Variants in MUC4 observed in about 807,000 individuals in gnomAD.
The protein encoded by MUC4 is mucin-4.
In MUC4, 202 loss-of-function variants were observed where a neutral mutation model predicts 257.9. That is an observed-to-expected ratio of 0.78 (90% CI 0.70 to 0.88). The LOEUF is 0.88. MUC4 is among the 40% of genes least tolerant of loss of function. The pLI, the probability that MUC4 is intolerant of heterozygous loss-of-function variation, is 0.00. For missense variants in MUC4, 5,976 were observed against 6,513.7 expected (o/e 0.92, Z 2.84); for synonymous variants, 2,351 against 2,757.1 (o/e 0.85, Z 4.62).
intron 24 of MUC4, among the ~76,000 whole-genome samples, chr3:195,748,458 G>A (rs147310727): frequency 0.021 from 3,216 of 152,050 alleles, 19 homozygotes; most frequent in Middle Eastern, 0.034. Flanking sequence ...CAACTACTCG[G>A]GAGGCTGAGG....
In MUC4 at chr3:195,753,111, C is replaced by CG; in HGVS notation, c.15447_15448insC (p.Ala5150ArgfsTer4). 6.2e-7 allele frequency: 1 copy of CG among 1,612,172 alleles called. No homozygotes were observed. The highest frequency in any genetic ancestry group is 8.5e-7 in the Non-Finnish European group (1 of 1,179,140). On this transcript the variant is annotated frameshift_variant, in exon 20 of 25. Coordinates refer to ENST00000463781, the MANE Select transcript of MUC4 (RefSeq NM_018406.7). LOFTEE classifies it high-confidence loss of function. ...AGGAAGCAGCGGCTGTCAGTGAAGG[C>CG]TGGGGGGCAGGTGCACATGGGCTGA...
rs747952608 is a variant in MUC4 at position 195,789,856 on chromosome 3, C to T, written c.1724G>A (p.Gly575Glu). The T allele has an allele frequency of 6.2e-7, 1 of 1,613,750 alleles. No individual in the cohort carries two copies. ...TQWTQETGTT[G>E]EALLSSPSYS... ...GCTTGGGCTGCTGAGAAGAGCCTCT[C>T]CAGTGGTCCCCGTTTCTTGTGTCCA... is the stretch of plus-strand genomic sequence containing the variant. The change falls in exon 2 of 25, where the codon GGA becomes GAA. Residue 575 changes from glycine (G) to glutamate (E), a missense_variant. Gly to Glu is a moderately conservative substitution (Grantham distance 98). This residue lies in a region of MUC4 where 1,583 missense variants were observed against 1,257.4 expected (regional missense o/e 1.26). Transcript: ENST00000463781.
Position 195,786,808 on chromosome 3 carries a change from G to A in MUC4, c.4772C>T (p.Ser1591Phe), listed in dbSNP as rs756679376. 1 of 1,518,964 alleles carries A rather than the reference G, an allele frequency of 6.6e-7. No individual in the cohort carries two copies. Among genetic ancestry groups the A allele is most frequent in the South Asian group, 1.2e-5 (1 of 82,322 alleles). 94.1% of individuals were successfully genotyped at this position (1,518,964 alleles called of 1,614,324 possible). ...GGTGGTGTCACCTTTGGATGCTGAG[G>A]AAGTGTCGGTGACAGGAAGAGGGGT... Reference protein sequence around the residue: ...HTTPLPVTDTSSASKGDTTPL... With the variant: ...HTTPLPVTDTFSASKGDTTPL... Residue 1591 changes from serine to phenylalanine, a missense_variant, in exon 2 of 25, where the codon TCC becomes TTC. By Grantham distance (155) the Ser-to-Phe change is radical. Around this residue, in one of 44 missense-constraint regions of MUC4, gnomAD observed 63 missense variants for 68.8 expected, o/e 0.92. Coordinates refer to ENST00000463781, the MANE Select transcript of MUC4 (RefSeq NM_018406.7).
At chr3:195,760,634 G>A (rs112666128) in intron 16 of MUC4, among the ~76,000 whole-genome samples, 2 of 105,998 alleles carry the variant, frequency 1.9e-5, no homozygotes, top group Admixed American at 1.7e-4. Context: ...CCAGCGCTAG[G>A]ATGGACGGAG....
At position 195,767,510 on chromosome 3, in the gene MUC4, T is replaced by TCACCATCACCAC. The variant is rs1172138581; in HGVS notation, c.13530-771_13530-760dup. 4.2e-4 allele frequency among the ~76,000 whole-genome samples: 15 copies of TCACCATCACCAC among 35,534 alleles called. No individual in the cohort carries two copies. The East Asian group carries it at 0.031, about 73-fold the overall frequency. 23.3% of individuals were successfully genotyped at this position (35,534 alleles called of 152,430 possible). A position where few individuals can be genotyped will look rare whatever the true frequency, so the allele number is the denominator to read the frequency against. ...ACCACCATCACCATCACCACCACCA[T>TCACCATCACCAC]CACCATCACCACCACCATCGCCACC... On this transcript the variant is annotated intron_variant, in intron 7 of 24. Coordinates refer to ENST00000463781, the MANE Select transcript of MUC4 (RefSeq NM_018406.7).
In MUC4 at chr3:195,775,740, C is replaced by A. The variant is rs1283355482; in HGVS notation, c.12944-1435G>T. On this transcript the variant is annotated intron_variant, in intron 3 of 24. Transcript: ENST00000463781. Reference sequence around the variant, plus strand: ...CCTTCCACATCCATACCTTCCACACCCTTACCTTCCACACCCATACCTTCC... The same window carrying A: ...CCTTCCACATCCATACCTTCCACACACTTACCTTCCACACCCATACCTTCC... Among the ~76,000 whole-genome samples, 2 of 22,666 alleles carry A rather than the reference C, an allele frequency of 8.8e-5. 1 individual carries two copies. Among genetic ancestry groups the A allele is most frequent in the Non-Finnish European group, 1.6e-4 (2 of 12,768 alleles). 14.9% of individuals were successfully genotyped at this position (22,666 alleles called of 152,430 possible).
intron 23 of MUC4, among the ~76,000 whole-genome samples, chr3:195,749,389 C>T (rs1411038171): frequency 2.0e-5 from 3 of 152,218 alleles, no homozygotes; most frequent in African/African-American, 7.2e-5. Context: ...AGAGCACATG[C>T]TTTGAAGGTG....
intron 18 of MUC4, among the ~76,000 whole-genome samples, chr3:195,756,807 C>T (rs971861650): frequency 1.3e-5 from 2 of 152,000 alleles, no homozygotes; most frequent in African/African-American, 4.8e-5. Context: ...GGACTACAGG[C>T]GCCTGCCACC....
rs763108509 is a variant in MUC4, at chr3:195,783,352, G to A, written c.8228C>T (p.Ser2743Phe). 1.9e-6 allele frequency: 2 copies of A among 1,036,294 alleles called. No homozygotes were observed. The highest frequency in any genetic ancestry group is 2.7e-6 in the Non-Finnish European group (2 of 747,606). 64.2% of individuals were successfully genotyped at this position (1,036,294 alleles called of 1,614,324 possible). A position where few individuals can be genotyped will look rare whatever the true frequency, so the allele number is the denominator to read the frequency against. Residue 2743 changes from serine to phenylalanine, a missense_variant, in exon 2 of 25, where the codon TCC becomes TTC. By Grantham distance (155) the Ser-to-Phe change is radical. Around this residue, in one of 44 missense-constraint regions of MUC4, gnomAD observed 75 missense variants for 58.7 expected, o/e 1.28. Transcript: ENST00000463781. ...DTTPLLVTET[S>F]SVSTGDTTPL... is the part of the protein sequence containing the mutation. ...GGTGGTGTCACCTGTGGATACTGAG[G>A]AAGTCTCGGTGACAAGAAGAGGGGT...
chr3:195,778,646 C>T, intron 2 of MUC4, 144 bp downstream of exon 2: 5 of 1,250,526 alleles, frequency 4.0e-6, no homozygotes, highest in African/African-American at 1.5e-5. Context: ...CTGTCACCCA[C>T]CACACCCATC....
chr3:195,800,652 G>T (rs1181232251), intron 1 of MUC4, among the ~76,000 whole-genome samples: 1 of 152,146 alleles, frequency 6.6e-6, no homozygotes, highest in Admixed American at 6.5e-5. Flanking sequence ...AGCTTGAGTA[G>T]GTTATTTGTA....
intron 17 of MUC4, among the ~76,000 whole-genome samples, chr3:195,758,277 T>C (rs1054646084): frequency 1.3e-5 from 2 of 152,014 alleles, no homozygotes; most frequent in African/African-American, 4.8e-5. Context: ...TCTAACACCT[T>C]TACGGAGAGG....
intron 1 of MUC4, among the ~76,000 whole-genome samples, chr3:195,804,676 C>A (rs905908450): frequency 6.6e-6 from 1 of 152,246 alleles, no homozygotes; most frequent in Non-Finnish European, 1.5e-5. Flanking sequence ...CAGTGTAAGC[C>A]CAAGGGAAGT....
intron 15 of MUC4, 120 bp downstream of exon 15, chr3:195,761,364 A>G: frequency 1.1e-6 from 1 of 913,740 alleles, no homozygotes; most frequent in African/African-American, 1.6e-5. Flanking sequence ...CTGGGGGGGC[A>G]CAGATTCCTC....
At position 195,781,200 on chromosome 3, in the gene MUC4, G is replaced by A. The variant is rs745694333; in HGVS notation, c.10380C>T (p.Thr3460=). 98 of 1,409,926 alleles carry A rather than the reference G, an allele frequency of 7.0e-5. 2 individuals carry two copies. In the Middle Eastern group the frequency reaches 1.2e-3, roughly 18 times the overall value. The allele number at this position is 1,409,926 out of a possible 1,614,324, so 87.3% of individuals were successfully genotyped here. ...CACCTGTGGATGCTGAGGAAGTGTC[G>A]GTGACAGGAAGAGGGGTGGTGTGAC... ...STGHTTPLPV[T]DTSSASTGDT... Residue 3460 remains threonine (T), a synonymous_variant, in exon 2 of 25, where the codon ACC becomes ACT. Transcript: ENST00000463781.
chr3:195,754,816 ATGTGTGTATCCATG>A (rs1481936490), intron 18 of MUC4, among the ~76,000 whole-genome samples: 1 of 17,532 alleles, frequency 5.7e-5, no homozygotes, highest in South Asian at 1.6e-3. Context: ...GTATGTATCC[ATGTGTGTATCCATG>A]TGTGTATGTA....
Position 195,778,691 on chromosome 3 carries a change from C to T in MUC4, c.12790+99G>A, listed in dbSNP as rs1383786939. 4.3e-6 allele frequency: 6 copies of T among 1,388,220 alleles called. No homozygotes were observed. The East Asian group carries it at 7.5e-5, about 17-fold the overall frequency. 86.0% of individuals were successfully genotyped at this position (1,388,220 alleles called of 1,614,324 possible). A position where few individuals can be genotyped will look rare whatever the true frequency, so the allele number is the denominator to read the frequency against. ...CCTGTGGGACCTGACACGGCCCCAC[C>T]AGGTAATGCGAATGCACCAGTGTTC... is the stretch of plus-strand genomic sequence containing the variant. On this transcript the variant is annotated intron_variant, in intron 2 of 24. Transcript: ENST00000463781.
chr3:195,770,777 T>G, intron 5 of MUC4: 1 of 445,038 alleles, frequency 2.2e-6, no homozygotes, highest in Non-Finnish European at 4.6e-6. Context: ...CGGTCCACAC[T>G]TCCTGCAGTA....
chr3:195,774,106 T>A, intron 4 of MUC4, 66 bp downstream of exon 4: 1 of 1,498,356 alleles, frequency 6.7e-7, no homozygotes, highest in South Asian at 1.3e-5. Flanking sequence ...CTGGGTTCCG[T>A]CTCGAAGCAG....
Sources: allele counts gnomAD v4.1 joint callset (sites outside exome capture counted in the v4.1 genomes callset), GRCh38; gene constraint gnomAD v4.1.1; regional missense constraint gnomAD v4.1.1; transcripts MANE v1.5; gene names NCBI Gene and HGNC (gene_info 2026-07-23, HGNC 2026-07-21).